Variants in MEGF11 observed in about 807,000 individuals in gnomAD.
MEGF11 encodes multiple EGF like domains 11.
In MEGF11, 126 loss-of-function variants were observed where a neutral mutation model predicts 146.6. The observed-to-expected ratio is 0.86, with a 90% CI of 0.74 to 1.00. The LOEUF is 1.00. MEGF11 is among the 50% of genes least tolerant of loss of function. MEGF11 has a pLI of 0.00. For synonymous variants in MEGF11, 532 were observed against 583.4 expected, an observed-to-expected ratio of 0.91 and a Z score of 1.27; for missense variants, 1,509 against 1,521.2, an observed-to-expected ratio of 0.99 and a Z score of 0.13.
rs887279626 is a variant in MEGF11, at chr15:65,978,249, T to C, written c.762+2529A>G. On this transcript the variant is annotated intron_variant, in intron 7 of 25. Coordinates refer to ENST00000395614, the MANE Select transcript of MEGF11 (RefSeq NM_001385028.1). Reference sequence around the variant, plus strand: ...ACAGAAGATGCTAAAGTGGGAAGCCTTCTCCCCAGTATCCATTCCTTGGTC... The same window carrying C: ...ACAGAAGATGCTAAAGTGGGAAGCCCTCTCCCCAGTATCCATTCCTTGGTC... Among the ~76,000 whole-genome samples, 5 of 152,300 alleles carry C rather than the reference T, an allele frequency of 3.3e-5. No homozygotes were observed. The South Asian group carries it at 1.0e-3, about 32-fold the overall frequency.
chr15:66,053,714 AATTTTTTTTTTTTTTTT>A lies in MEGF11; in HGVS notation c.394+40671_394+40687del, dbSNP rs548899521. Among the ~76,000 whole-genome samples, 56 of 42,286 alleles carry A rather than the reference AATTTTTTTTTTTTTTTT, an allele frequency of 1.3e-3. No individual in the cohort carries two copies. In the South Asian group the frequency reaches 0.05, roughly 37 times the overall value. The allele number at this position is 42,286 out of a possible 152,430, so 27.7% of individuals were successfully genotyped here. On this transcript the variant is annotated intron_variant, in intron 5 of 25. Transcript: ENST00000395614. ...ACTCAGCTCCCCCTCCCCTGGCACCAATTTTTTTTTTTTTTTTTTTTTTTTTTTTTTGAGACAAGGTC... is the reference window on the plus strand; with the variant it reads ...ACTCAGCTCCCCCTCCCCTGGCACCATTTTTTTTTTTTTTGAGACAAGGTC...
chr15:66,201,700 C>T (rs1448979823), intron 1 of MEGF11, among the ~76,000 whole-genome samples: 1 of 150,728 alleles, frequency 6.6e-6, no homozygotes, highest in African/African-American at 2.4e-5. Context: ...CTTTGGGAGG[C>T]CGAGGCAGGT....
intron 1 of MEGF11, among the ~76,000 whole-genome samples, chr15:66,214,659 C>G (rs1454912649): frequency 3.9e-5 from 6 of 152,214 alleles, no homozygotes; most frequent in Non-Finnish European, 7.3e-5. Flanking sequence ...GACACCTCCT[C>G]TCTCCTGGGA....
Position 66,097,730 on chromosome 15 carries a change from G to A in MEGF11, c.302-3236C>T, listed in dbSNP as rs559507574. 7.0e-5 allele frequency among the ~76,000 whole-genome samples: 9 copies of A among 128,088 alleles called. No homozygotes were observed. The South Asian group carries it at 2.6e-3, about 37-fold the overall frequency. The allele number at this position is 128,088 out of a possible 152,430, so 84.0% of individuals were successfully genotyped here. A position where few individuals can be genotyped will look rare whatever the true frequency, so the allele number is the denominator to read the frequency against. On this transcript the variant is annotated intron_variant, in intron 4 of 25. Transcript: ENST00000395614. ...CCCAGTGTGCTAGAAGCCTTCTAGC[G>A]AGACTCCATCTCAAAAAACTACAAA...
intron 4 of MEGF11, among the ~76,000 whole-genome samples, chr15:66,100,079 G>GT (rs1555470666): frequency 1.2e-4 from 14 of 117,820 alleles, no homozygotes; most frequent in Admixed American, 8.2e-5. Context: ...GTTGCGCTTT[G>GT]GGGGGGAAAT....
intron 5 of MEGF11, among the ~76,000 whole-genome samples, chr15:66,030,332 A>G (rs2083472986): frequency 6.6e-6 from 1 of 152,210 alleles, no homozygotes; most frequent in African/African-American, 2.4e-5. Context: ...CTATGTCAAT[A>G]CACATGACAT....
At chr15:65,961,069 G>C (rs941793043) in intron 9 of MEGF11, among the ~76,000 whole-genome samples, 3 of 152,106 alleles carry the variant, frequency 2.0e-5, no homozygotes, top group Admixed American at 2.0e-4. Context: ...AGAGGATGGA[G>C]AGTGACAGCT....
At chr15:66,232,597 C>T (rs1023349464) in intron 1 of MEGF11, among the ~76,000 whole-genome samples, 8 of 152,222 alleles carry the variant, frequency 5.3e-5, no homozygotes, top group African/African-American at 1.4e-4. Context: ...CCAGCTGGCA[C>T]TCCAGAACCT....
chr15:65,910,002 C>T (rs1387917307), intron 21 of MEGF11, 196 bp from the exon 22 acceptor site: 2 of 691,826 alleles, frequency 2.9e-6, no homozygotes, highest in Non-Finnish European at 5.3e-6. Context: ...GGGAATAGAA[C>T]ATACCCCACC....
intron 1 of MEGF11, among the ~76,000 whole-genome samples, chr15:66,246,483 C>T (rs1272390208): frequency 6.6e-6 from 1 of 151,920 alleles, no homozygotes; most frequent in African/African-American, 2.4e-5. Context: ...ATGATGGCGG[C>T]CAGGCATCCA....
chr15:65,965,106 C>A lies in MEGF11; in HGVS notation c.914G>T (p.Cys305Phe). The change falls in exon 9 of 26, where the codon TGC becomes TTC. Residue 305 changes from cysteine (C) to phenylalanine (F), a missense_variant. Coordinates refer to ENST00000395614, the MANE Select transcript of MEGF11 (RefSeq NM_001385028.1). ...GYMGDRCQEE[C>F]PFGSFGFQCS... is the part of the protein sequence containing the mutation. ...CTGGAAGCCGAAGGACCCGAAGGGG[C>A]ACTCCTCTTGGCACCTGTGGGAGAG... The A allele has an allele frequency of 6.3e-7, 1 of 1,591,996 alleles. No individual in the cohort carries two copies. The highest frequency in any genetic ancestry group is 1.1e-5 in the South Asian group (1 of 87,912).
intron 1 of MEGF11, among the ~76,000 whole-genome samples, chr15:66,221,400 A>C (rs1288842321): frequency 6.6e-6 from 1 of 152,056 alleles, no homozygotes; most frequent in East Asian, 1.9e-4. Context: ...GCCTGCAAGC[A>C]TCCCTCCTTC....
chr15:65,952,724 G>C (rs1273857516), intron 10 of MEGF11, among the ~76,000 whole-genome samples: 1 of 152,116 alleles, frequency 6.6e-6, no homozygotes, highest in East Asian at 1.9e-4. Context: ...CGATGGGCAG[G>C]GAATTTCATT....
intron 1 of MEGF11, among the ~76,000 whole-genome samples, chr15:66,133,491 C>T (rs1036772268): frequency 6.6e-6 from 1 of 152,176 alleles, no homozygotes; most frequent in Non-Finnish European, 1.5e-5. Context: ...CTACTTTTTT[C>T]TGAATAAAAC....
chr15:66,235,401 C>A (rs796907328), intron 1 of MEGF11, among the ~76,000 whole-genome samples: 31 of 151,844 alleles, frequency 2.0e-4, no homozygotes, highest in African/African-American at 7.0e-4. Flanking sequence ...ACTTGGGAGG[C>A]TGAGATGAGG....
chr15:65,919,052 C>T (rs548564530), intron 15 of MEGF11, among the ~76,000 whole-genome samples: 3 of 152,302 alleles, frequency 2.0e-5, no homozygotes, highest in African/African-American at 7.2e-5. Flanking sequence ...ATGACTTCCC[C>T]AGGGCCCAGG....
At chr15:65,985,437 A>C (rs912343589) in intron 5 of MEGF11, among the ~76,000 whole-genome samples, 1 of 152,026 alleles carries the variant, frequency 6.6e-6, no homozygotes, top group African/African-American at 2.4e-5. Flanking sequence ...AGGATCCAGC[A>C]CAAGGAATTT....
At chr15:65,912,318 G>T in intron 20 of MEGF11, 118 bp from the exon 21 acceptor site, 1 of 531,416 alleles carries the variant, frequency 1.9e-6, no homozygotes, top group Non-Finnish European at 2.9e-6. Flanking sequence ...AAACAGGCAA[G>T]TACCCCATCC....
intron 4 of MEGF11, among the ~76,000 whole-genome samples, chr15:66,099,360 T>G (rs1431764204): frequency 1.3e-5 from 2 of 152,090 alleles, no homozygotes; most frequent in African/African-American, 2.4e-5. Flanking sequence ...TCTTTTTGTA[T>G]TTTTAGTAGA....
Sources: gnomAD v4.1 joint callset for allele counts (sites outside exome capture counted in the v4.1 genomes callset) on GRCh38, gnomAD v4.1.1 for gene constraint, MANE v1.5 for transcripts, NCBI Gene and HGNC (gene_info 2026-07-23, HGNC 2026-07-21) for gene names.